C22orf42: variants seen among roughly 807,000 people sequenced by gnomAD.
C22orf42 encodes the protein chromosome 22 open reading frame 42.
C22orf42 carries 24 observed loss-of-function variants against 31.4 expected under a neutral mutation model. That is an observed-to-expected ratio of 0.77 (90% confidence interval 0.55 to 1.08). The LOEUF (loss-of-function observed/expected upper bound fraction) is 1.08. Ranked by LOEUF, C22orf42 falls within the 50% of genes least tolerant of loss-of-function variation. C22orf42 has a pLI of 0.00. For synonymous variants in C22orf42, 96 were observed against 112.7 expected, an observed-to-expected ratio of 0.85 and a Z score of 0.94; for missense variants, 276 against 327.3, an observed-to-expected ratio of 0.84 and a Z score of 1.21.
upstream of C22orf42, chr22:32,159,585 A>G (rs1921485855): frequency 1.4e-6 from 1 of 713,946 alleles, no homozygotes; most frequent in African/African-American, 1.9e-5. Flanking sequence ...TGAACTCAAT[A>G]GAAAACCCTG....
intron 4 of C22orf42, 125 bp downstream of exon 4, chr22:32,151,942 G>C (rs1362081838): frequency 1.0e-5 from 10 of 953,316 alleles, no homozygotes; most frequent in Non-Finnish European, 1.6e-5. Context: ...TCTAAGATTA[G>C]ATTGTAAAAT....
intron 8 of C22orf42, 33 bp downstream of exon 8, chr22:32,149,720 T>G (rs1213222001): frequency 1.7e-6 from 2 of 1,183,364 alleles, no homozygotes; most frequent in Non-Finnish European, 2.2e-6. Context: ...TCTACATATA[T>G]ATCTATATAT....
At chr22:32,158,047 C>A (rs1180496227) in intron 1 of C22orf42, among the ~76,000 whole-genome samples, 2 of 152,256 alleles carry the variant, frequency 1.3e-5, no homozygotes, top group African/African-American at 2.4e-5. Context: ...ATTAGCATCT[C>A]TGTTTTTCTG....
rs774524901 is a variant in C22orf42 at position 32,152,103 on chromosome 22, A to T, written c.373-9T>A. 6.2e-7 allele frequency: 1 copy of T among 1,605,234 alleles called. No homozygotes were observed. The highest frequency in any genetic ancestry group is 8.5e-7 in the Non-Finnish European group (1 of 1,177,864). Reference sequence around the variant, plus strand: ...TTGGCCTCAGGTATTTCCTGCAATAAGAGAAAAGAAAAAGAAACACCATGA... The same window carrying T: ...TTGGCCTCAGGTATTTCCTGCAATATGAGAAAAGAAAAAGAAACACCATGA... On this transcript the variant is annotated splice_polypyrimidine_tract_variant and intron_variant, in intron 3 of 8. Transcript: ENST00000382097.
At chr22:32,149,999 T>G in intron 7 of C22orf42, 1 of 482,196 alleles carries the variant, frequency 2.1e-6, no homozygotes, top group Non-Finnish European at 3.7e-6. Flanking sequence ...AAAATTATTT[T>G]TCAAGAAGAA....
chr22:32,149,736 G>GATAT lies in C22orf42; in HGVS notation c.682+13_682+16dup. 1 of 1,303,918 alleles carries GATAT rather than the reference G, an allele frequency of 7.7e-7. No individual in the cohort carries two copies. The highest frequency in any genetic ancestry group is 2.1e-5 in the South Asian group (1 of 46,980). 80.8% of individuals were successfully genotyped at this position (1,303,918 alleles called of 1,614,324 possible). Reference sequence around the variant, plus strand: ...CTACATATATATCTATATATATCTAGATATATATATACTTACAGAGGTAAT... The same window carrying GATAT: ...CTACATATATATCTATATATATCTAGATATATATATATATACTTACAGAGGTAAT... On this transcript the variant is annotated intron_variant, in intron 8 of 8. Transcript: ENST00000382097.
At chr22:32,154,098 A>G (rs1240245371) in intron 2 of C22orf42, 146 bp downstream of exon 2, 4 of 636,828 alleles carry the variant, frequency 6.3e-6, no homozygotes, top group South Asian at 6.0e-5. Flanking sequence ...ATCATCTACC[A>G]TTGATTTAAT....
At chr22:32,159,704 G>C (rs1209566743), upstream of C22orf42, among the ~76,000 whole-genome samples, 2 of 152,164 alleles carry the variant, frequency 1.3e-5, no homozygotes, top group African/African-American at 4.8e-5. Context: ...GTAAGTAAAT[G>C]CTTCTCTCCT....
intron 6 of C22orf42, 82 bp downstream of exon 6, chr22:32,150,910 C>T (rs1184018670): frequency 3.8e-5 from 53 of 1,396,216 alleles, no homozygotes; most frequent in Non-Finnish European, 5.3e-5. Flanking sequence ...ATAGTAAAAA[C>T]GCTGAATCAC....
intron 1 of C22orf42, among the ~76,000 whole-genome samples, chr22:32,154,848 G>A (rs1236925934): frequency 6.6e-6 from 1 of 152,214 alleles, no homozygotes; most frequent in East Asian, 1.9e-4. Flanking sequence ...CCAGATACTT[G>A]GTAGTGGTTG....
At chr22:32,157,758 A>G (rs1173221430) in intron 1 of C22orf42, among the ~76,000 whole-genome samples, 3 of 152,268 alleles carry the variant, frequency 2.0e-5, no homozygotes, top group South Asian at 2.1e-4. Flanking sequence ...CCCAATGGCT[A>G]GTACCCACAA....
intron 3 of C22orf42, 97 bp from the exon 4 acceptor site, chr22:32,152,191 C>T (rs1253245421): frequency 1.7e-5 from 24 of 1,439,176 alleles, no homozygotes; most frequent in Middle Eastern, 2.0e-4. Context: ...AATAAAAAAC[C>T]GGATGTGAAA....
chr22:32,159,184 G>A lies in C22orf42; in HGVS notation c.32C>T (p.Pro11Leu). The A allele has an allele frequency of 6.2e-7, 1 of 1,613,924 alleles. No individual in the cohort carries two copies. The highest frequency in any genetic ancestry group is 1.1e-5 in the South Asian group (1 of 91,078). The change falls in exon 1 of 9, where the codon CCC becomes CTC. Residue 11 changes from proline to leucine, a missense_variant. Pro to Leu is a moderately conservative substitution (Grantham distance 98, BLOSUM62 -3). Coordinates refer to ENST00000382097, the MANE Select transcript of C22orf42 (RefSeq NM_001010859.3). ...GCAGTCACAGTTGAGGCCCCCGCTG[G>A]GGCCCAGGCAGCAAGTCAGTTTGCT... is the stretch of plus-strand genomic sequence containing the variant. Reference protein sequence around the residue: MGSKLTCCLGPSGGLNCDCCR... With the variant: MGSKLTCCLGLSGGLNCDCCR...
At chr22:32,156,461 T>C (rs904831370) in intron 1 of C22orf42, among the ~76,000 whole-genome samples, 2 of 142,020 alleles carry the variant, frequency 1.4e-5, no homozygotes, top group African/African-American at 2.7e-5. Flanking sequence ...GGAAAACCCA[T>C]AGCAAAATAA....
chr22:32,154,159 A>C, intron 2 of C22orf42, 85 bp downstream of exon 2: 1 of 1,380,576 alleles, frequency 7.2e-7, no homozygotes, highest in Non-Finnish European at 1.0e-6. Context: ...CATAGCATTT[A>C]CTGAGTTTCT....
Position 32,151,007 on chromosome 22 carries a change from C to T in C22orf42, c.478G>A (p.Ala160Thr). The T allele has an allele frequency of 6.2e-7, 1 of 1,611,936 alleles. No individual in the cohort carries two copies. Among genetic ancestry groups the T allele is most frequent in the African/African-American group, 1.3e-5 (1 of 74,692 alleles). The change falls in exon 6 of 9, where the codon GCC becomes ACC. Residue 160 changes from alanine (A) to threonine (T), a missense_variant. Transcript: ENST00000382097. ...AAATACGTACGGTGGTCGTGCTTGG[C>T]CTCAGATATTTCCTGCAGTAAGAGA... is the stretch of plus-strand genomic sequence containing the variant. ...NITSDIEISE[A>T]KHDHHLVEDL... is the part of the protein sequence containing the mutation.
At chr22:32,159,822 A>G (rs986246339), upstream of C22orf42, 10 of 154,032 alleles carry the variant, frequency 6.5e-5, no homozygotes, top group African/African-American at 2.4e-4. Context: ...AAACCCTAGG[A>G]CACATCACAC....
At chr22:32,159,539 G>A (rs1462991589), upstream of C22orf42, 18 of 1,147,518 alleles carry the variant, frequency 1.6e-5, no homozygotes, top group Non-Finnish European at 1.9e-5. Context: ...AAAAGTGCAG[G>A]GGTTGGAGGT....
At chr22:32,150,272 G>A (rs765315005) in intron 7 of C22orf42, 47 bp downstream of exon 7, 24 of 1,568,740 alleles carry the variant, frequency 1.5e-5, no homozygotes, top group East Asian at 1.4e-4. Context: ...TAAGGCAAGA[G>A]GACCCAGAAA....
Sources: allele counts gnomAD v4.1 joint callset (sites outside exome capture counted in the v4.1 genomes callset), GRCh38; gene constraint gnomAD v4.1.1; transcripts MANE v1.5; gene names NCBI Gene and HGNC (gene_info 2026-07-23, HGNC 2026-07-21).